Variants in TOP1 observed in about 807,000 individuals in gnomAD.
The protein encoded by TOP1 is DNA topoisomerase I, also known as DNA topoisomerase 1.
Under a neutral mutation model 111.1 loss-of-function variants are expected in TOP1, and 10 were observed. The ratio of observed to expected loss-of-function variants is 0.09; its 90% CI spans 0.06 to 0.15. TOP1 has a LOEUF of 0.15. TOP1 is among the 10% of genes least tolerant of loss of function. The pLI is 1.00. For missense variants in TOP1, 474 were observed against 926.7 expected, an observed-to-expected ratio of 0.51 and a Z score of 6.34; for synonymous variants, 271 against 302.9, an observed-to-expected ratio of 0.89 and a Z score of 1.10.
intron 8 of TOP1, among the ~76,000 whole-genome samples, chr20:41,085,119 T>C (rs2033832596): frequency 1.4e-5 from 2 of 147,630 alleles, no homozygotes; most frequent in African/African-American, 2.5e-5. Context: ...ATATTTGCAA[T>C]ACAAAGGGCT....
At chr20:41,036,246 C>A (rs978863169) in intron 2 of TOP1, among the ~76,000 whole-genome samples, 1 of 152,096 alleles carries the variant, frequency 6.6e-6, no homozygotes, top group Non-Finnish European at 1.5e-5. Flanking sequence ...GATGTCAGAA[C>A]CTGCCCTTGA....
intron 2 of TOP1, among the ~76,000 whole-genome samples, chr20:41,057,904 T>G (rs2033493818): frequency 1.3e-5 from 2 of 152,184 alleles, no homozygotes; most frequent in African/African-American, 2.4e-5. Context: ...ATTTTAGCCA[T>G]AAGTGTTTGG....
At chr20:41,086,270 A>G (rs6102266) in intron 8 of TOP1, among the ~76,000 whole-genome samples, 9,416 of 151,826 alleles carry the variant, frequency 0.062, 968 homozygotes, top group African/African-American at 0.22. Context: ...CTCAAAAAAA[A>G]AAAAAAGAAA....
chr20:41,089,020 C>CTTTTTT (rs59200685), intron 8 of TOP1, among the ~76,000 whole-genome samples: 8,446 of 77,684 alleles, frequency 0.11, 1,435 homozygotes, highest in Non-Finnish European at 0.13. Flanking sequence ...TGCCCCAGTT[C>CTTTTTT]TTTTTTTTTT....
chr20:41,076,675 C>T (rs2033731108), intron 4 of TOP1, among the ~76,000 whole-genome samples: 1 of 152,158 alleles, frequency 6.6e-6, no homozygotes, highest in African/African-American at 2.4e-5. Context: ...CCAGCATAAC[C>T]AGTGCAAGCC....
chr20:41,121,989 C>T lies in TOP1; in HGVS notation c.2046-17C>T, dbSNP rs1381965271. 6.2e-7 allele frequency: 1 copy of T among 1,613,210 alleles called. No individual in the cohort carries two copies. Among genetic ancestry groups the T allele is most frequent in the African/African-American group, 1.3e-5 (1 of 74,978 alleles). ...AGAGCCCAGGCCTGGTTCTTGAGGA[C>T]TTTGCTATTCTTCTAGGGTAGTAGA... On this transcript the variant is annotated splice_polypyrimidine_tract_variant and intron_variant, in intron 19 of 20. Coordinates refer to ENST00000361337, the MANE Select transcript of TOP1 (RefSeq NM_003286.4). This position sits in a 1 kb window ranked among gnomAD's most constrained non-coding sequence, Gnocchi z 4.2.
chr20:41,055,739 A>C (rs1371911242), intron 2 of TOP1, among the ~76,000 whole-genome samples: 1 of 152,080 alleles, frequency 6.6e-6, no homozygotes, highest in Non-Finnish European at 1.5e-5. Context: ...CATTTTCCCA[A>C]ATGTGCTTTT....
chr20:41,123,188 T>C lies in TOP1; in HGVS notation c.2196-7T>C. On this transcript the variant is annotated splice_polypyrimidine_tract_variant and splice_region_variant and intron_variant, in intron 20 of 20. Coordinates refer to ENST00000361337, the MANE Select transcript of TOP1 (RefSeq NM_003286.4). This position sits in a 1 kb window ranked among gnomAD's most constrained non-coding sequence, Gnocchi z 5.8. ...TAATCCCCCCCTTATTTCTCCTTTG[T>C]TTGCAGGTGCAAGAAGTGGGGTGTC... is the stretch of plus-strand genomic sequence containing the variant. 1.2e-6 allele frequency: 2 copies of C among 1,610,718 alleles called. No individual in the cohort carries two copies. The highest frequency in any genetic ancestry group is 1.1e-5 in the South Asian group (1 of 90,980).
Position 41,028,888 on chromosome 20 carries a change from C to A in TOP1, c.-180C>A. The A allele has an allele frequency of 1.8e-6, 1 of 567,788 alleles. No individual in the cohort carries two copies. Among genetic ancestry groups the A allele is most frequent in the South Asian group, 2.1e-5 (1 of 48,660 alleles). 35.2% of individuals were successfully genotyped at this position (567,788 alleles called of 1,614,324 possible). On this transcript the variant is annotated 5_prime_UTR_variant, in exon 1 of 21. Transcript: ENST00000361337. ...TCTCGCCGCCCGCCCGGCAGTCAGGCAGCGTCGCCGCCGTGGTAGCAGCCT... is the reference window on the plus strand; with the variant it reads ...TCTCGCCGCCCGCCCGGCAGTCAGGAAGCGTCGCCGCCGTGGTAGCAGCCT...
At chr20:41,108,887 T>C (rs1343066283) in intron 13 of TOP1, among the ~76,000 whole-genome samples, 1 of 152,232 alleles carries the variant, frequency 6.6e-6, no homozygotes, top group African/African-American at 2.4e-5. Flanking sequence ...AAGCATTACC[T>C]GCTCTCACAA....
intron 8 of TOP1, among the ~76,000 whole-genome samples, chr20:41,089,620 G>C (rs1006051473): frequency 1.3e-5 from 2 of 152,164 alleles, no homozygotes; most frequent in African/African-American, 4.8e-5. Context: ...AAACATTCGT[G>C]TACAAGTATT....
chr20:41,103,876 G>T (rs887076928), intron 13 of TOP1, among the ~76,000 whole-genome samples: 4 of 151,060 alleles, frequency 2.6e-5, no homozygotes, highest in African/African-American at 9.7e-5. Flanking sequence ...CTTCAGAAAG[G>T]CCATCCCTGA....
intron 17 of TOP1, among the ~76,000 whole-genome samples, chr20:41,117,380 ATTT>A (rs1192075214): frequency 5.3e-4 from 45 of 85,524 alleles, no homozygotes; most frequent in African/African-American, 2.1e-3. Flanking sequence ...CTGTGGCTTA[ATTT>A]TTTTTTTTTT....
Position 41,029,415 on chromosome 20 carries a change from C to T in TOP1, c.34-16C>T, listed in dbSNP as rs749377534. 1.0e-5 allele frequency: 15 copies of T among 1,481,202 alleles called. No individual in the cohort carries two copies. Among genetic ancestry groups the T allele is most frequent in the Admixed American group, 7.3e-5 (3 of 41,004 alleles). 91.8% of individuals were successfully genotyped at this position (1,481,202 alleles called of 1,614,324 possible). A position where few individuals can be genotyped will look rare whatever the true frequency, so the allele number is the denominator to read the frequency against. ...AAGTGGCTGTTGTTTGATATTCTCT[C>T]CTTTTCTTTTTCCAGATCGAAGCGG... is the stretch of plus-strand genomic sequence containing the variant. On this transcript the variant is annotated splice_polypyrimidine_tract_variant and intron_variant, in intron 1 of 20. Coordinates refer to ENST00000361337, the MANE Select transcript of TOP1 (RefSeq NM_003286.4). This position sits in a 1 kb window ranked among gnomAD's most constrained non-coding sequence, Gnocchi z 6.1.
At chr20:41,119,746 T>C (rs1435844715) in intron 18 of TOP1, among the ~76,000 whole-genome samples, 1 of 152,248 alleles carries the variant, frequency 6.6e-6, no homozygotes, top group East Asian at 1.9e-4. Context: ...TGAATGAGTA[T>C]ACATCCATAG....
At position 41,112,805 on chromosome 20, in the gene TOP1, C is replaced by T. The variant is rs749231810; in HGVS notation, c.1332C>T (p.Tyr444=). The T allele has an allele frequency of 2.0e-5, 32 of 1,614,052 alleles. No individual in the cohort carries two copies. The highest frequency in any genetic ancestry group is 1.6e-4 in the Middle Eastern group (1 of 6,084). ...RIKGEKDWQK[Y]ETARRLKKCV... ...AGGGTGAGAAGGACTGGCAGAAATACGAGACTGCTCGGCGGCTGAAAAAAT... is the reference window on the plus strand; with the variant it reads ...AGGGTGAGAAGGACTGGCAGAAATATGAGACTGCTCGGCGGCTGAAAAAAT... Residue 444 remains tyrosine (Y), a synonymous_variant, in exon 14 of 21, where the codon TAC becomes TAT. Transcript: ENST00000361337. The surrounding 1 kb of genome is among the most constrained non-coding windows in gnomAD (Gnocchi z 5.8).
In TOP1 at chr20:41,040,153, T is replaced by A. The variant is rs373924920; in HGVS notation, c.58+10698T>A. 1.9e-4 allele frequency among the ~76,000 whole-genome samples: 29 copies of A among 152,364 alleles called. No individual in the cohort carries two copies. In the East Asian group the frequency reaches 4.6e-3, roughly 24 times the overall value. ...TCCTGGGAAACTAATTTTATGAAAC[T>A]ATTGAAATATTATTGCCCCTTCCTA... On this transcript the variant is annotated intron_variant, in intron 2 of 20. Coordinates refer to ENST00000361337, the MANE Select transcript of TOP1 (RefSeq NM_003286.4).
Position 41,112,397 on chromosome 20 carries a change from C to T in TOP1, c.1309-385C>T, listed in dbSNP as rs1266985633. On this transcript the variant is annotated intron_variant, in intron 13 of 20. Coordinates refer to ENST00000361337, the MANE Select transcript of TOP1 (RefSeq NM_003286.4). This position sits in a 1 kb window ranked among gnomAD's most constrained non-coding sequence, Gnocchi z 5.8. ...TGTGGGTTTTTCCCAGGAACATAAA[C>T]ATTTTAGAGAATTAGAGCTAGAAAC... Among the ~76,000 whole-genome samples, 4 of 152,190 alleles carry T rather than the reference C, an allele frequency of 2.6e-5. No homozygotes were observed. Among genetic ancestry groups the T allele is most frequent in the African/African-American group, 9.7e-5 (4 of 41,448 alleles).
chr20:41,111,057 C>T (rs575844693), intron 13 of TOP1, among the ~76,000 whole-genome samples: 174 of 152,276 alleles, frequency 1.1e-3, no homozygotes, highest in Middle Eastern at 3.4e-3. Context: ...ATCTCGTTTA[C>T]CTGACTCCTA....
Sources: allele counts gnomAD v4.1 joint callset (sites outside exome capture counted in the v4.1 genomes callset), GRCh38; gene constraint gnomAD v4.1.1; non-coding constraint Gnocchi (gnomAD v3.1); transcripts MANE v1.5; gene names NCBI Gene and HGNC (gene_info 2026-07-23, HGNC 2026-07-21).